GFOD1: variants seen among roughly 807,000 people sequenced by gnomAD.
The protein encoded by GFOD1 is Gfo/Idh/MocA-like oxidoreductase domain containing 1.
A neutral mutation model predicts 25.4 loss-of-function variants in GFOD1; 9 were observed. The ratio of observed to expected loss-of-function variants is 0.35; its 90% confidence interval spans 0.21 to 0.62. The LOEUF is 0.62. Ranked by LOEUF, GFOD1 falls within the 20% of genes least tolerant of loss-of-function variation. The pLI, the probability that GFOD1 is intolerant of heterozygous loss-of-function variation, is 0.72. For synonymous variants in GFOD1, 253 were observed against 245.6 expected (o/e 1.03, Z -0.28); for missense variants, 403 against 556.9 (o/e 0.72, Z 2.78).
chr6:13,443,432 T>C (rs1757949287), intron 1 of GFOD1, among the ~76,000 whole-genome samples: 1 of 152,174 alleles, frequency 6.6e-6, no homozygotes, highest in Non-Finnish European at 1.5e-5. Flanking sequence ...GTGGGTAAAA[T>C]GCTATCAAAC....
intron 1 of GFOD1, among the ~76,000 whole-genome samples, chr6:13,475,095 A>G (rs1368438470): frequency 6.6e-6 from 1 of 152,252 alleles, no homozygotes; most frequent in African/African-American, 2.4e-5. Flanking sequence ...TTACAAATCA[A>G]TAAATGACAA....
intron 1 of GFOD1, among the ~76,000 whole-genome samples, chr6:13,410,715 G>T (rs1786062743): frequency 6.6e-6 from 1 of 152,082 alleles, no homozygotes; most frequent in African/African-American, 2.4e-5. Context: ...GAAAAAAGTA[G>T]AGAACAATTT....
At chr6:13,439,028 A>G (rs1420513457) in intron 1 of GFOD1, among the ~76,000 whole-genome samples, 1 of 11,878 alleles carries the variant, frequency 8.4e-5, no homozygotes, top group African/African-American at 9.0e-5. Context: ...GCCAATTTGC[A>G]TTATTTCATG....
At chr6:13,453,754 A>G (rs1758140940) in intron 1 of GFOD1, among the ~76,000 whole-genome samples, 1 of 152,208 alleles carries the variant, frequency 6.6e-6, no homozygotes, top group Admixed American at 6.5e-5. Flanking sequence ...AAATTTGTTC[A>G]TTTTACTGAT....
At chr6:13,366,378 C>T (rs2127554771) in intron 1 of GFOD1, among the ~76,000 whole-genome samples, 1 of 152,232 alleles carries the variant, frequency 6.6e-6, no homozygotes, top group African/African-American at 2.4e-5. Context: ...CCCTATCACC[C>T]AGGCTGGAGT....
At chr6:13,484,089 T>C (rs1372213510) in intron 1 of GFOD1, among the ~76,000 whole-genome samples, 2 of 152,132 alleles carry the variant, frequency 1.3e-5, no homozygotes, top group African/African-American at 2.4e-5. Flanking sequence ...TAAAGGAGGA[T>C]GTGTGTGATT....
intron 1 of GFOD1, among the ~76,000 whole-genome samples, chr6:13,392,343 C>CA (rs1035923592): frequency 0.036 from 2,218 of 60,970 alleles, 67 homozygotes; most frequent in African/African-American, 0.099. Context: ...GACCCTATCT[C>CA]AAAAAAAAAA....
chr6:13,463,546 G>C (rs889927143), intron 1 of GFOD1, among the ~76,000 whole-genome samples: 2 of 152,252 alleles, frequency 1.3e-5, no homozygotes, highest in East Asian at 1.9e-4. Flanking sequence ...ACGTCACCGG[G>C]GTGTGGGTCT....
In GFOD1 at chr6:13,430,673, G is replaced by A. The variant is rs112312465; in HGVS notation, c.253+55965C>T. Reference sequence around the variant, plus strand: ...CTCTTGGAGTCCACCTATGGCAGGAGTAGTGGGACAGCGGGTAGGGAAAAG... The same window carrying A: ...CTCTTGGAGTCCACCTATGGCAGGAATAGTGGGACAGCGGGTAGGGAAAAG... On this transcript the variant is annotated intron_variant, in intron 1 of 1. Transcript: ENST00000379287. This position sits in a 1 kb window ranked among gnomAD's most constrained non-coding sequence, Gnocchi z 4.1. 6.6e-6 allele frequency among the ~76,000 whole-genome samples: 1 copy of A among 152,096 alleles called. No homozygotes were observed. The highest frequency in any genetic ancestry group is 2.4e-5 in the African/African-American group (1 of 41,404).
intron 1 of GFOD1, among the ~76,000 whole-genome samples, chr6:13,478,728 C>A (rs1758683439): frequency 1.3e-5 from 2 of 152,202 alleles, no homozygotes; most frequent in Non-Finnish European, 2.9e-5. Context: ...TGCGTGTGGA[C>A]AATCTTTCAC....
At chr6:13,451,996 T>C (rs1758106598) in intron 1 of GFOD1, among the ~76,000 whole-genome samples, 1 of 152,110 alleles carries the variant, frequency 6.6e-6, no homozygotes, top group Non-Finnish European at 1.5e-5. Flanking sequence ...AAAGTTAGGT[T>C]TGGCGGGTAG....
chr6:13,401,682 A>T (rs1785847325), intron 1 of GFOD1, among the ~76,000 whole-genome samples: 1 of 152,234 alleles, frequency 6.6e-6, no homozygotes, highest in Non-Finnish European at 1.5e-5. Flanking sequence ...AGAAGATCTT[A>T]ATCACTGGAA....
At chr6:13,453,631 A>T (rs775873239) in intron 1 of GFOD1, among the ~76,000 whole-genome samples, 13 of 152,216 alleles carry the variant, frequency 8.5e-5, no homozygotes, top group Non-Finnish European at 1.6e-4. Flanking sequence ...AGTCAAATAG[A>T]GGTAGTAGCA....
At chr6:13,441,469 C>A (rs931617580) in intron 1 of GFOD1, among the ~76,000 whole-genome samples, 2 of 152,244 alleles carry the variant, frequency 1.3e-5, no homozygotes, top group Admixed American at 1.3e-4. Flanking sequence ...GGGTTCTGTC[C>A]GATTTCATAC....
intron 1 of GFOD1, among the ~76,000 whole-genome samples, chr6:13,379,392 C>T (rs1785315389): frequency 6.6e-6 from 1 of 152,102 alleles, no homozygotes; most frequent in South Asian, 2.1e-4. Context: ...GCTTGGCCAA[C>T]CAGGGACACC....
intron 1 of GFOD1, among the ~76,000 whole-genome samples, chr6:13,461,089 T>C (rs1758282713): frequency 6.6e-6 from 1 of 152,272 alleles, no homozygotes; most frequent in South Asian, 2.1e-4. Context: ...AGCACAAGAC[T>C]GTCTAAGATG....
At chr6:13,423,117 C>T (rs939094225) in intron 1 of GFOD1, among the ~76,000 whole-genome samples, 1 of 152,022 alleles carries the variant, frequency 6.6e-6, no homozygotes, top group African/African-American at 2.4e-5. Flanking sequence ...GAAAACCAAC[C>T]AAGTGAATGC....
chr6:13,403,129 AT>A (rs1431727510), intron 1 of GFOD1, among the ~76,000 whole-genome samples: 1 of 80,258 alleles, frequency 1.2e-5, no homozygotes, highest in Non-Finnish European at 2.7e-5. Flanking sequence ...TTTTTTTGGT[AT>A]TTTTTGTTTT....
At chr6:13,477,045 G>A (rs1205263459) in intron 1 of GFOD1, among the ~76,000 whole-genome samples, 1 of 152,148 alleles carries the variant, frequency 6.6e-6, no homozygotes, top group Non-Finnish European at 1.5e-5. Context: ...AGTGCTCAGA[G>A]GCCTGCTGCT....
Sources: allele counts gnomAD v4.1 joint callset (sites outside exome capture counted in the v4.1 genomes callset), GRCh38; gene constraint gnomAD v4.1.1; non-coding constraint Gnocchi (gnomAD v3.1); transcripts MANE v1.5; gene names NCBI Gene and HGNC (gene_info 2026-07-23, HGNC 2026-07-21).